NXPE2: variants seen among roughly 807,000 people sequenced by gnomAD.
NXPE2 encodes the protein neurexophilin and PC-esterase domain family member 2, also known as NXPE family member 2.
A neutral mutation model predicts 34.4 loss-of-function variants in NXPE2; 34 were observed. That is an observed-to-expected ratio of 0.99 (90% CI 0.75 to 1.31). The LOEUF is 1.31. NXPE2 is among the 40% of genes most tolerant of loss of function. NXPE2 has a pLI of 0.00. For missense variants in NXPE2, 649 were observed against 672.5 expected (o/e 0.97, Z 0.39); for synonymous variants, 235 against 231.3 (o/e 1.02, Z -0.15).
At chr11:114,715,482 T>A in the NXPE2 span, among the ~76,000 whole-genome samples, 2 of 152,190 alleles carry the variant, frequency 1.3e-5, no homozygotes, top group Admixed American at 6.5e-5. Context: ...AAGCCTTTGA[T>A]TGATTTATTT....
At chr11:114,676,558 G>T (rs1950860092), upstream of NXPE2, among the ~76,000 whole-genome samples, 1 of 151,958 alleles carries the variant, frequency 6.6e-6, no homozygotes, top group African/African-American at 2.4e-5. Flanking sequence ...ACTACAATGA[G>T]AGATTACCTC....
the NXPE2 span, among the ~76,000 whole-genome samples, chr11:114,488,639 A>G: frequency 6.6e-6 from 1 of 152,190 alleles, no homozygotes; most frequent in East Asian, 1.9e-4. Flanking sequence ...AGGCAGAAAT[A>G]AAGATGTTCT....
At chr11:114,533,595 C>T in the NXPE2 span, among the ~76,000 whole-genome samples, 158 of 152,312 alleles carry the variant, frequency 1.0e-3, no homozygotes, top group Middle Eastern at 6.8e-3. Context: ...CCTAATACTG[C>T]GCTTTTCCAA....
chr11:114,777,644 C>T, the NXPE2 span, among the ~76,000 whole-genome samples: 1 of 152,108 alleles, frequency 6.6e-6, no homozygotes, highest in Non-Finnish European at 1.5e-5. Flanking sequence ...TCCAACTATT[C>T]GAGATCCATT....
At chr11:114,535,041 G>T in the NXPE2 span, among the ~76,000 whole-genome samples, 1 of 152,140 alleles carries the variant, frequency 6.6e-6, no homozygotes, top group South Asian at 2.1e-4. Flanking sequence ...GAAAGGTCGG[G>T]TTACCCACAA....
At chr11:114,714,714 C>G in the NXPE2 span, among the ~76,000 whole-genome samples, 1 of 152,072 alleles carries the variant, frequency 6.6e-6, no homozygotes, top group African/African-American at 2.4e-5. Flanking sequence ...TTTCCTAGCA[C>G]CTGTATATAG....
the NXPE2 span, among the ~76,000 whole-genome samples, chr11:114,596,674 T>C: frequency 3.3e-4 from 51 of 152,306 alleles, no homozygotes; most frequent in Middle Eastern, 3.4e-3. Context: ...GATTGTTAAA[T>C]TTTTCACTGA....
chr11:114,522,423 G>A, the NXPE2 span: 1 of 1,613,902 alleles, frequency 6.2e-7, no homozygotes. Context: ...TTTTTCCATT[G>A]AATCTGAGTG....
chr11:114,803,059 A>G, the NXPE2 span, among the ~76,000 whole-genome samples: 7 of 152,264 alleles, frequency 4.6e-5, no homozygotes, highest in South Asian at 1.2e-3. Context: ...CTGCTTCTCC[A>G]CCAACCTGTC....
upstream of NXPE2, among the ~76,000 whole-genome samples, chr11:114,677,463 CAT>C (rs1463325712): frequency 3.9e-5 from 6 of 152,036 alleles, no homozygotes; most frequent in Non-Finnish European, 7.4e-5. Context: ...TTATAACTGT[CAT>C]AACACTGCAG....
chr11:114,527,204 T>G, the NXPE2 span: 1 of 152,518 alleles, frequency 6.6e-6, no homozygotes, highest in Non-Finnish European at 1.5e-5. Flanking sequence ...CAAACCTTGT[T>G]ATGACATCAG....
chr11:114,668,740 T>C, the NXPE2 span, among the ~76,000 whole-genome samples: 2 of 152,152 alleles, frequency 1.3e-5, no homozygotes, highest in Non-Finnish European at 2.9e-5. Flanking sequence ...TAATCTTTAG[T>C]GAATATTGTA....
the NXPE2 span, among the ~76,000 whole-genome samples, chr11:114,762,228 G>T: frequency 6.6e-6 from 1 of 152,126 alleles, no homozygotes; most frequent in African/African-American, 2.4e-5. Flanking sequence ...TTGGGAAGTG[G>T]CATGGGGTAC....
chr11:114,479,976 A>G, the NXPE2 span, among the ~76,000 whole-genome samples: 1 of 152,152 alleles, frequency 6.6e-6, no homozygotes, highest in Admixed American at 6.6e-5. Flanking sequence ...CAAGAGAGAC[A>G]TCAGGCTTTT....
chr11:114,511,206 G>T, the NXPE2 span, among the ~76,000 whole-genome samples: 1 of 152,162 alleles, frequency 6.6e-6, no homozygotes, highest in Non-Finnish European at 1.5e-5. Context: ...AAGAATGGTT[G>T]TGTTACACAT....
intron 2 of NXPE2, among the ~76,000 whole-genome samples, chr11:114,690,360 G>C (rs555074456): frequency 6.6e-6 from 1 of 152,220 alleles, no homozygotes; most frequent in African/African-American, 2.4e-5. Flanking sequence ...ATGAAGCTTA[G>C]TTTGGTGAGA....
At chr11:114,615,259 AG>A in the NXPE2 span, among the ~76,000 whole-genome samples, 1 of 151,950 alleles carries the variant, frequency 6.6e-6, no homozygotes, top group African/African-American at 2.4e-5. Context: ...GTGGATTATA[AG>A]TATTTCCTTG....
At chr11:114,578,264 A>G in the NXPE2 span, among the ~76,000 whole-genome samples, 3 of 152,160 alleles carry the variant, frequency 2.0e-5, no homozygotes, top group Non-Finnish European at 4.4e-5. Context: ...TCTGCTTCCA[A>G]CTTACTTCAG....
chr11:114,781,696 CT>C, the NXPE2 span, among the ~76,000 whole-genome samples: 1 of 152,150 alleles, frequency 6.6e-6, no homozygotes, highest in Non-Finnish European at 1.5e-5. Flanking sequence ...GCCATGAATT[CT>C]GGGTAGTGGA....
Sources: gnomAD v4.1 joint callset for allele counts (sites outside exome capture counted in the v4.1 genomes callset) on GRCh38, gnomAD v4.1.1 for gene constraint, MANE v1.5 for transcripts, NCBI Gene and HGNC (gene_info 2026-07-23, HGNC 2026-07-21) for gene names.